MTHFD2: variants seen among roughly 807,000 people sequenced by gnomAD.
MTHFD2 encodes methylenetetrahydrofolate dehydrogenase (NADP+ dependent) 2, methenyltetrahydrofolate cyclohydrolase.
Under a neutral mutation model 36.8 loss-of-function variants are expected in MTHFD2, and 26 were observed. That is an observed-to-expected ratio of 0.71 (90% CI 0.52 to 0.98). MTHFD2 has a LOEUF of 0.98. Among genes scored for constraint, MTHFD2 ranks in the 50% least tolerant of loss-of-function variants. The pLI is 0.00. For synonymous variants in MTHFD2, 164 were observed against 155.2 expected, an observed-to-expected ratio of 1.06 and a Z score of -0.42; for missense variants, 373 against 434.0, an observed-to-expected ratio of 0.86 and a Z score of 1.25.
chr2:74,205,146 C>T (rs1018344133), intron 1 of MTHFD2, among the ~76,000 whole-genome samples: 2 of 152,088 alleles, frequency 1.3e-5, no homozygotes, highest in Non-Finnish European at 2.9e-5. Flanking sequence ...TATTCAACTA[C>T]AGAATATAAT....
intron 6 of MTHFD2, 49 bp from the exon 7 acceptor site, chr2:74,211,692 G>A (rs1345997441): frequency 2.0e-6 from 3 of 1,533,558 alleles, no homozygotes; most frequent in Non-Finnish European, 2.6e-6. Flanking sequence ...GAATCTGACA[G>A]GTAGACTGTT....
intron 1 of MTHFD2, among the ~76,000 whole-genome samples, chr2:74,204,171 C>T (rs1694124711): frequency 6.6e-6 from 1 of 152,100 alleles, no homozygotes; most frequent in Non-Finnish European, 1.5e-5. Flanking sequence ...TCCTCGGCCT[C>T]CTAAAGTGCT....
At chr2:74,203,771 C>T (rs1366962593) in intron 1 of MTHFD2, among the ~76,000 whole-genome samples, 1 of 152,072 alleles carries the variant, frequency 6.6e-6, no homozygotes, top group Non-Finnish European at 1.5e-5. Context: ...GTCTTCATGA[C>T]ACCAAGGACA....
rs752475443 is a variant in MTHFD2, at chr2:74,205,885, T to G, written c.282T>G (p.Val94=). Reference sequence around the variant, plus strand: ...TCAACAAAACCAGGGCAGCTGCAGTTGTGGGTATGTGTCCTTCTGAGACCT... The same window carrying G: ...TCAACAAAACCAGGGCAGCTGCAGTGGTGGGTATGTGTCCTTCTGAGACCT... The part of the protein sequence containing the change: ...YVLNKTRAAA[V]VGINSETIMK... Residue 94 remains valine, a synonymous_variant, in exon 2 of 8, where the codon GTT becomes GTG. Transcript: ENST00000394053. The G allele has an allele frequency of 2.7e-5, 44 of 1,612,758 alleles. No homozygotes were observed. The highest frequency in any genetic ancestry group is 3.5e-5 in the Non-Finnish European group (41 of 1,179,286).
rs1200345323 is a variant in MTHFD2, at chr2:74,211,810, G to C, written c.833G>C (p.Arg278Thr). The change falls in exon 7 of 8, where the codon AGA (arginine) becomes ACA (threonine). Residue 278 changes from arginine (R) to threonine (T), a missense_variant. Around this residue, in one of 2 missense-constraint regions of MTHFD2, gnomAD observed 308 missense variants for 397.8 expected, o/e 0.77. Transcript: ENST00000394053. ...GCAGTCATTGATGTGGGAATAAATA[G>C]AGTTCACGATCCTGTAACTGCCAAA... The part of the protein sequence containing the change: ...GAAVIDVGIN[R>T]VHDPVTAKPK... The C allele has an allele frequency of 2.5e-6, 4 of 1,611,804 alleles. No individual in the cohort carries two copies. Among genetic ancestry groups the C allele is most frequent in the Non-Finnish European group, 3.4e-6 (4 of 1,179,794 alleles).
At chr2:74,209,083 A>C (rs1416609675) in intron 4 of MTHFD2, among the ~76,000 whole-genome samples, 1 of 91,098 alleles carries the variant, frequency 1.1e-5, no homozygotes, top group Non-Finnish European at 1.9e-5. Flanking sequence ...ATATTGACCA[A>C]GCTGGTCTCG....
At position 74,208,476 on chromosome 2, in the gene MTHFD2, G is replaced by T. The variant is rs558715158; in HGVS notation, c.410-93G>T. On this transcript the variant is annotated intron_variant, in intron 3 of 7. Coordinates refer to ENST00000394053, the MANE Select transcript of MTHFD2 (RefSeq NM_006636.4). ...TACATCTCAGAGGCAAGCTGTAGAA[G>T]AATAGATTTCCTTGCGAAGCAGATA... 119 of 1,415,370 alleles carry T rather than the reference G, an allele frequency of 8.4e-5. No homozygotes were observed. In the African/African-American group the frequency reaches 1.5e-3, roughly 18 times the overall value. 87.7% of individuals were successfully genotyped at this position (1,415,370 alleles called of 1,614,324 possible). A position where few individuals can be genotyped will look rare whatever the true frequency, so the allele number is the denominator to read the frequency against.
In MTHFD2 at chr2:74,212,144, C is replaced by T. The variant is rs534475369; in HGVS notation, c.889+278C>T. On this transcript the variant is annotated intron_variant, in intron 7 of 7. Coordinates refer to ENST00000394053, the MANE Select transcript of MTHFD2 (RefSeq NM_006636.4). ...ACTGCGCCCAGTCAGTATGCTTTTC[C>T]CTCCCTCTCTCCTTCCCTTCCTTCT... is the stretch of plus-strand genomic sequence containing the variant. 8.5e-5 allele frequency among the ~76,000 whole-genome samples: 12 copies of T among 141,046 alleles called. No homozygotes were observed. The South Asian group carries it at 2.6e-3, about 31-fold the overall frequency. 92.5% of individuals were successfully genotyped at this position (141,046 alleles called of 152,430 possible).
intron 2 of MTHFD2, chr2:74,206,594 G>A (rs1369742850): frequency 6.6e-6 from 1 of 152,280 alleles, no homozygotes; most frequent in Non-Finnish European, 1.5e-5. Context: ...TGGCTGGGTG[G>A]GGTTACTGGC....
rs1310360979 is a variant in MTHFD2, at chr2:74,211,307, G to C, written c.763+16G>C. 4 of 1,527,712 alleles carry C rather than the reference G, an allele frequency of 2.6e-6. No homozygotes were observed. The highest frequency in any genetic ancestry group is 2.7e-6 in the Non-Finnish European group (3 of 1,105,664). The allele number at this position is 1,527,712 out of a possible 1,614,324, so 94.6% of individuals were successfully genotyped here. On this transcript the variant is annotated intron_variant, in intron 6 of 7. Coordinates refer to ENST00000394053, the MANE Select transcript of MTHFD2 (RefSeq NM_006636.4). ...TCTGCTGCAGGTAAGAACACAAGGG[G>C]GATGGAGGGAAGGACTTCACCTCAG...
rs10199560 is a variant in MTHFD2, at chr2:74,215,924, T to C, written c.*1682T>C. 11,507 of 152,344 alleles carry C rather than the reference T, an allele frequency of 0.076. 724 individuals carry two copies. Among genetic ancestry groups the C allele is most frequent in the African/African-American group, 0.17 (6,892 of 41,530 alleles). 9.4% of individuals were successfully genotyped at this position (152,344 alleles called of 1,614,324 possible). A position where few individuals can be genotyped will look rare whatever the true frequency, so the allele number is the denominator to read the frequency against. On this transcript the variant is annotated 3_prime_UTR_variant, in exon 8 of 8. Coordinates refer to ENST00000394053, the MANE Select transcript of MTHFD2 (RefSeq NM_006636.4). ...GCACCTGGCCTGTCCTACAGTCTTA[T>C]ATCACAACAGGTTGTGCCAAGCTAG...
In MTHFD2 at chr2:74,215,554, C is replaced by T. The variant is rs1263065900; in HGVS notation, c.*1312C>T. The T allele has an allele frequency of 1.3e-5, 2 of 152,012 alleles. No individual in the cohort carries two copies. The highest frequency in any genetic ancestry group is 2.9e-5 in the Non-Finnish European group (2 of 68,076). 9.4% of individuals were successfully genotyped at this position (152,012 alleles called of 1,614,324 possible). A position where few individuals can be genotyped will look rare whatever the true frequency, so the allele number is the denominator to read the frequency against. ...GCTGGGATTACAGGCCTGGGCCACC[C>T]ACACCCAAACAGAGGTTTAAAGAGC... On this transcript the variant is annotated 3_prime_UTR_variant, in exon 8 of 8. Coordinates refer to ENST00000394053, the MANE Select transcript of MTHFD2 (RefSeq NM_006636.4).
intron 1 of MTHFD2, among the ~76,000 whole-genome samples, chr2:74,199,572 T>C (rs1693994170): frequency 6.6e-6 from 1 of 152,000 alleles, no homozygotes; most frequent in African/African-American, 2.4e-5. Flanking sequence ...TTAAAAATGG[T>C]TAAGATGGGC....
intron 2 of MTHFD2, 190 bp downstream of exon 2, chr2:74,206,079 G>A: frequency 3.9e-6 from 2 of 508,292 alleles, no homozygotes; most frequent in Admixed American, 3.3e-5. Flanking sequence ...CAGTAGGACA[G>A]GAGATACTGG....
intron 6 of MTHFD2, 84 bp from the exon 7 acceptor site, chr2:74,211,657 G>A: frequency 7.6e-7 from 1 of 1,319,516 alleles, no homozygotes; most frequent in Non-Finnish European, 1.0e-6. Flanking sequence ...GTTCTTCAGG[G>A]TCTCTTGAAA....
chr2:74,214,382 G>A lies in MTHFD2; in HGVS notation c.*140G>A, dbSNP rs1286149357. On this transcript the variant is annotated 3_prime_UTR_variant, in exon 8 of 8. Transcript: ENST00000394053. Reference sequence around the variant, plus strand: ...TTGTATTTATTGAAAGCTTAAATGGGTGGGTGTTTCTGCACATACCTCTGC... The same window carrying A: ...TTGTATTTATTGAAAGCTTAAATGGATGGGTGTTTCTGCACATACCTCTGC... The A allele has an allele frequency of 6.1e-6, 6 of 982,356 alleles. No individual in the cohort carries two copies. The highest frequency in any genetic ancestry group is 2.9e-4 in the Middle Eastern group (1 of 3,500). 60.9% of individuals were successfully genotyped at this position (982,356 alleles called of 1,614,324 possible). A position where few individuals can be genotyped will look rare whatever the true frequency, so the allele number is the denominator to read the frequency against.
At chr2:74,204,278 G>A (rs758211630) in intron 1 of MTHFD2, among the ~76,000 whole-genome samples, 1 of 152,090 alleles carries the variant, frequency 6.6e-6, no homozygotes, top group Admixed American at 6.6e-5. Flanking sequence ...GGAAAACTGG[G>A]ACTCTTCCAC....
chr2:74,215,160 A>C lies in MTHFD2; in HGVS notation c.*918A>C, dbSNP rs1694405614. The C allele has an allele frequency of 6.6e-6, 1 of 152,598 alleles. No homozygotes were observed. The allele number at this position is 152,598 out of a possible 1,614,324, so 9.5% of individuals were successfully genotyped here. ...GTCAGCAGCTGCCTGCTTTTCTGTGATGTATGTATCCTGTTGACTTTTCCA... is the reference window on the plus strand; with the variant it reads ...GTCAGCAGCTGCCTGCTTTTCTGTGCTGTATGTATCCTGTTGACTTTTCCA... On this transcript the variant is annotated 3_prime_UTR_variant, in exon 8 of 8. Transcript: ENST00000394053.
chr2:74,207,364 G>C (rs138373638), intron 2 of MTHFD2, among the ~76,000 whole-genome samples: 2 of 151,790 alleles, frequency 1.3e-5, no homozygotes, highest in African/African-American at 4.8e-5. Context: ...TCCTGACCTC[G>C]TGATCCGCTG....
Sources: gnomAD v4.1 joint callset for allele counts (sites outside exome capture counted in the v4.1 genomes callset) on GRCh38, gnomAD v4.1.1 for gene constraint, gnomAD v4.1.1 regional missense constraint, MANE v1.5 for transcripts, NCBI Gene and HGNC (gene_info 2026-07-23, HGNC 2026-07-21) for gene names.